Variants in ASCL3 observed in about 807,000 individuals in gnomAD.
ASCL3 encodes the protein achaete-scute family bHLH transcription factor 3.
Under a neutral mutation model 2.3 loss-of-function variants are expected in ASCL3, and 1 was observed. The ratio of observed to expected loss-of-function variants is 0.44; its 90% CI spans 0.16 to 2.10. The LOEUF (loss-of-function observed/expected upper bound fraction) is 2.10. Among genes scored for constraint, ASCL3 ranks in the 30% most tolerant of loss-of-function variants. The probability of loss-of-function intolerance (pLI) is 0.28; values close to 1 mark genes in which losing one functional copy is unlikely to be tolerated. For missense variants in ASCL3, 243 were observed against 229.0 expected (o/e 1.06, Z -0.40); for synonymous variants, 98 against 88.5 (o/e 1.11, Z -0.60).
intron 1 of ASCL3, 167 bp from the exon 2 acceptor site, chr11:8,938,340 C>T (rs574218797): frequency 3.0e-5 from 17 of 561,564 alleles, no homozygotes; most frequent in African/African-American, 2.7e-4. Flanking sequence ...ACTTCTGCCT[C>T]CTGGGTTCAA....
intron 1 of ASCL3, among the ~76,000 whole-genome samples, chr11:8,942,146 G>C (rs184920169): frequency 6.6e-6 from 1 of 152,138 alleles, no homozygotes; most frequent in Non-Finnish European, 1.5e-5. Context: ...AAACTTTCTA[G>C]GTTTTAACAA....
chr11:8,940,264 A>G (rs914132514), intron 1 of ASCL3, among the ~76,000 whole-genome samples: 20 of 151,616 alleles, frequency 1.3e-4, no homozygotes, highest in East Asian at 1.9e-4. Context: ...CACCCAGCCT[A>G]TAGTTAAGTT....
intron 1 of ASCL3, among the ~76,000 whole-genome samples, chr11:8,939,031 C>T (rs1196489864): frequency 6.6e-6 from 1 of 151,768 alleles, no homozygotes; most frequent in Non-Finnish European, 1.5e-5. Context: ...TCTCAAATTC[C>T]TGAGCTCAAG....
intron 1 of ASCL3, among the ~76,000 whole-genome samples, chr11:8,941,170 T>G (rs1853688280): frequency 6.6e-6 from 1 of 152,130 alleles, no homozygotes; most frequent in Non-Finnish European, 1.5e-5. Context: ...ACACACATGT[T>G]GAGAGATGAG....
chr11:8,938,311 G>A (rs1020674628), intron 1 of ASCL3, 138 bp from the exon 2 acceptor site: 14 of 721,622 alleles, frequency 1.9e-5, no homozygotes, highest in Non-Finnish European at 2.2e-5. Context: ...GTGCAGTGGC[G>A]TGATCTCGGC....
chr11:8,941,889 C>T (rs1469628641), intron 1 of ASCL3, among the ~76,000 whole-genome samples: 1 of 152,066 alleles, frequency 6.6e-6, no homozygotes, highest in Non-Finnish European at 1.5e-5. Flanking sequence ...GCAGAAGCTG[C>T]AAAATGGTGG....
At chr11:8,942,202 C>T (rs1429206811) in intron 1 of ASCL3, among the ~76,000 whole-genome samples, 2 of 152,086 alleles carry the variant, frequency 1.3e-5, no homozygotes, top group African/African-American at 2.4e-5. Flanking sequence ...TCTGGAGGCA[C>T]ATTGATGAGA....
At chr11:8,941,047 T>C (rs1321842993) in intron 1 of ASCL3, among the ~76,000 whole-genome samples, 1 of 152,118 alleles carries the variant, frequency 6.6e-6, no homozygotes, top group Non-Finnish European at 1.5e-5. Context: ...CTCTTTCCTT[T>C]CTTTAGAGAT....
At chr11:8,938,470 C>A (rs936262863) in intron 1 of ASCL3, among the ~76,000 whole-genome samples, 1 of 151,866 alleles carries the variant, frequency 6.6e-6, no homozygotes, top group South Asian at 2.1e-4. Context: ...AGGATGGTCT[C>A]GATCTCTTGA....
rs1355119811 is a variant in ASCL3, at chr11:8,937,737, A to G, written c.425T>C (p.Ile142Thr). 1 of 1,614,044 alleles carries G rather than the reference A, an allele frequency of 6.2e-7. No individual in the cohort carries two copies. Among genetic ancestry groups the G allele is most frequent in the African/African-American group, 1.3e-5 (1 of 75,016 alleles). The change falls in exon 2 of 2, where the codon ATT becomes ACT. Residue 142 changes from isoleucine (I) to threonine (T), a missense_variant. Physicochemically the swap from Ile to Thr is moderately conservative, Grantham distance 89. Transcript: ENST00000531618. ...VETLRAAIKYINYLQSLLYPD... is the reference protein window; with the variant it reads ...VETLRAAIKYTNYLQSLLYPD... Reference sequence around the variant, plus strand: ...GTACAGAAGAGACTGCAGGTAGTTAATGTACTTGATCGCAGCTCTGAGGGT... The same window carrying G: ...GTACAGAAGAGACTGCAGGTAGTTAGTGTACTTGATCGCAGCTCTGAGGGT...
At chr11:8,938,362 G>A (rs2064690961) in intron 1 of ASCL3, among the ~76,000 whole-genome samples, 189 bp from the exon 2 acceptor site, 1 of 151,886 alleles carries the variant, frequency 6.6e-6, no homozygotes, top group African/African-American at 2.4e-5. Context: ...CAATTCTCCT[G>A]CCTCAGCCTC....
At chr11:8,941,899 G>A (rs1250061303) in intron 1 of ASCL3, among the ~76,000 whole-genome samples, 1 of 152,098 alleles carries the variant, frequency 6.6e-6, no homozygotes, top group Non-Finnish European at 1.5e-5. Flanking sequence ...CAAAATGGTG[G>A]CAAATGGGTG....
chr11:8,938,799 C>CTTTTTT (rs566272891), intron 1 of ASCL3, among the ~76,000 whole-genome samples: 1 of 130,338 alleles, frequency 7.7e-6, no homozygotes. Flanking sequence ...CACTAGAATT[C>CTTTTTT]TTTTTTTTTT....
At chr11:8,942,882 C>T (rs969601120) in intron 1 of ASCL3, among the ~76,000 whole-genome samples, 104 bp downstream of exon 1, 4 of 152,014 alleles carry the variant, frequency 2.6e-5, no homozygotes, top group South Asian at 2.1e-4. Context: ...TGGAATAATC[C>T]GATAGCTGAC....
intron 1 of ASCL3, among the ~76,000 whole-genome samples, chr11:8,939,931 T>C (rs1190053129): frequency 6.6e-6 from 1 of 152,132 alleles, no homozygotes; most frequent in Non-Finnish European, 1.5e-5. Context: ...TGTAAATATA[T>C]TGAGTAAAGT....
At chr11:8,941,459 T>C (rs542952991) in intron 1 of ASCL3, among the ~76,000 whole-genome samples, 18 of 151,486 alleles carry the variant, frequency 1.2e-4, no homozygotes, top group Middle Eastern at 3.4e-3. Flanking sequence ...CACTGTGTAG[T>C]GGGAGGAGCA....
intron 1 of ASCL3, 54 bp from the exon 2 acceptor site, chr11:8,938,227 T>TCCAAGAAAGTAG: frequency 7.2e-7 from 1 of 1,383,794 alleles, no homozygotes; most frequent in Non-Finnish European, 9.9e-7. Flanking sequence ...AGATATGATC[T>TCCAAGAAAGTAG]ACTTTCTTGG....
chr11:8,940,748 G>T (rs1300522720), intron 1 of ASCL3, among the ~76,000 whole-genome samples: 1 of 152,156 alleles, frequency 6.6e-6, no homozygotes, highest in Non-Finnish European at 1.5e-5. Flanking sequence ...GGAAAAAAGG[G>T]ATGGCAGCAT....
intron 1 of ASCL3, among the ~76,000 whole-genome samples, chr11:8,938,454 T>C (rs1215845696): frequency 6.6e-6 from 1 of 152,012 alleles, no homozygotes; most frequent in African/African-American, 2.4e-5. Context: ...TTTCACCATG[T>C]TGGCCAGGAT....
Sources: gnomAD v4.1 joint callset for allele counts (sites outside exome capture counted in the v4.1 genomes callset) on GRCh38, gnomAD v4.1.1 for gene constraint, MANE v1.5 for transcripts, NCBI Gene and HGNC (gene_info 2026-07-23, HGNC 2026-07-21) for gene names.